The following PRDM7 variants were observed in gnomAD, a reference collection of about 807,000 sequenced individuals.
The protein encoded by PRDM7 is histone-lysine N-methyltransferase PRDM7.
PRDM7 carries 52 observed loss-of-function variants against 64.3 expected under a neutral mutation model. The observed-to-expected ratio is 0.81, with a 90% confidence interval of 0.65 to 1.02. The LOEUF (loss-of-function observed/expected upper bound fraction) is 1.02. Ranked by LOEUF, PRDM7 falls within the 50% of genes least tolerant of loss-of-function variation. The probability of loss-of-function intolerance (pLI) is 0.00; values close to 1 mark genes in which losing one functional copy is unlikely to be tolerated. For missense variants in PRDM7, 574 were observed against 597.1 expected (o/e 0.96, Z 0.40); for synonymous variants, 192 against 210.1 (o/e 0.91, Z 0.74).
rs138087382 is a variant in PRDM7, at chr16:90,073,274, A to G, written c.301+1642T>C. Among the ~76,000 whole-genome samples, 168 of 152,244 alleles carry G rather than the reference A, an allele frequency of 1.1e-3. 1 individual carries two copies. The highest frequency in any genetic ancestry group is 3.8e-3 in the Admixed American group (58 of 15,294). ...TTCTAAGACATTTAACTCAATAACT[A>G]TTATGAGATTGGTGTTAGAAAGCTT... On this transcript the variant is annotated intron_variant, in intron 4 of 10. Transcript: ENST00000449207.
chr16:90,074,131 A>G (rs1456296253), intron 4 of PRDM7, among the ~76,000 whole-genome samples: 1 of 151,746 alleles, frequency 6.6e-6, no homozygotes, highest in East Asian at 2.0e-4. Context: ...ACGGTGGCTC[A>G]TGCCTGTAAT....
At position 90,075,334 on chromosome 16, in the gene PRDM7, C is replaced by G; in HGVS notation, c.193+17G>C. The stretch of plus-strand genomic sequence containing the variant: ...TTATATCGCCCAGGCTGGTCTGTGC[C>G]CAGCACTTCCTGTTACCTACAGTAA... On this transcript the variant is annotated intron_variant, in intron 3 of 10. Coordinates refer to ENST00000449207, the MANE Select transcript of PRDM7 (RefSeq NM_001098173.2). The surrounding 1 kb of genome is among the most constrained non-coding windows in gnomAD (Gnocchi z 4.3). 1.9e-6 allele frequency: 3 copies of G among 1,614,164 alleles called. No individual in the cohort carries two copies. The highest frequency in any genetic ancestry group is 2.2e-5 in the East Asian group (1 of 44,884).
intron 10 of PRDM7, among the ~76,000 whole-genome samples, chr16:90,059,753 T>A (rs542571607): frequency 3.9e-4 from 59 of 152,376 alleles, no homozygotes; most frequent in Middle Eastern, 3.4e-3. Context: ...GGTCTCACAC[T>A]GATCCCAGGT....
chr16:90,075,356 G>T lies in PRDM7; in HGVS notation c.188C>A (p.Thr63Asn). The change falls in exon 3 of 11, where the codon ACT (threonine) becomes AAT (asparagine). Residue 63 changes from threonine to asparagine, a missense_variant. Thr to Asn is a moderately conservative substitution (Grantham distance 65). Coordinates refer to ENST00000449207, the MANE Select transcript of PRDM7 (RefSeq NM_001098173.2). The surrounding 1 kb of genome is among the most constrained non-coding windows in gnomAD (Gnocchi z 4.3). ...TGCCCAGCACTTCCTGTTACCTACA[G>T]TAATCAGTGCATTATAGTTCATTTT... is the stretch of plus-strand genomic sequence containing the variant. ...NVKMNYNALI[T>N]VGLRATRPAF... 1 of 1,614,224 alleles carries T rather than the reference G, an allele frequency of 6.2e-7. No individual in the cohort carries two copies. The highest frequency in any genetic ancestry group is 8.5e-7 in the Non-Finnish European group (1 of 1,180,044).
At position 90,058,554 on chromosome 16, in the gene PRDM7, G is replaced by C. The variant is rs1270040473; in HGVS notation, c.1234-20C>G. On this transcript the variant is annotated intron_variant, in intron 10 of 10. Transcript: ENST00000449207. ...TTGGTTCTGAAAGAGGAAGTTTTTG[G>C]TCAGGGTAGATGTTTTGTTCAGGCC... is the stretch of plus-strand genomic sequence containing the variant. The C allele has an allele frequency of 1.9e-6, 3 of 1,611,622 alleles. No homozygotes were observed. Among genetic ancestry groups the C allele is most frequent in the Non-Finnish European group, 2.5e-6 (3 of 1,177,696 alleles).
intron 4 of PRDM7, among the ~76,000 whole-genome samples, chr16:90,071,089 T>C (rs192216421): frequency 4.6e-5 from 7 of 152,326 alleles, no homozygotes; most frequent in Admixed American, 4.6e-4. Flanking sequence ...GCTTAGTCTG[T>C]TTTCTGCTGC....
At position 90,074,982 on chromosome 16, in the gene PRDM7, GC is replaced by G. The variant is rs746314563; in HGVS notation, c.234del (p.Arg78SerfsTer53). The G allele has an allele frequency of 2.9e-5, 47 of 1,614,148 alleles. No homozygotes were observed. Among genetic ancestry groups the G allele is most frequent in the Non-Finnish European group, 4.0e-5 (47 of 1,180,036 alleles). On this transcript the variant is annotated frameshift_variant, in exon 4 of 11. Coordinates refer to ENST00000449207, the MANE Select transcript of PRDM7 (RefSeq NM_001098173.2). LOFTEE classifies it high-confidence loss of function. Reference sequence around the variant, plus strand: ...TCATCCACCTGGAGTTTGATGGCCTGCCTTCGGTGACACATGAAAGCTGGTC... The same window carrying G: ...TCATCCACCTGGAGTTTGATGGCCTGCTTCGGTGACACATGAAAGCTGGTC... ...ATRPAFMCHRRQAIKLQVDDT... is the reference protein window; with the variant it reads ...ATRPAFMCHRXQAIKLQVDDT...
intron 8 of PRDM7, 114 bp downstream of exon 8, chr16:90,061,807 A>G: frequency 6.6e-7 from 1 of 1,504,806 alleles, no homozygotes; most frequent in Non-Finnish European, 9.1e-7. Flanking sequence ...TTGAGTACAC[A>G]GAGCTAACCA....
chr16:90,075,350 C>T lies in PRDM7; in HGVS notation c.193+1G>A, dbSNP rs769875290. 4.3e-6 allele frequency: 7 copies of T among 1,614,238 alleles called. No homozygotes were observed. The South Asian group carries it at 6.6e-5, about 15-fold the overall frequency. The stretch of plus-strand genomic sequence containing the variant: ...GGTCTGTGCCCAGCACTTCCTGTTA[C>T]CTACAGTAATCAGTGCATTATAGTT... On this transcript the variant is annotated splice_donor_variant, in intron 3 of 10. Coordinates refer to ENST00000449207, the MANE Select transcript of PRDM7 (RefSeq NM_001098173.2). LOFTEE classifies it high-confidence loss of function. This position sits in a 1 kb window ranked among gnomAD's most constrained non-coding sequence, Gnocchi z 4.3.
intron 4 of PRDM7, among the ~76,000 whole-genome samples, chr16:90,067,280 C>G (rs1465964522): frequency 1.3e-5 from 2 of 150,974 alleles, no homozygotes; most frequent in Non-Finnish European, 2.9e-5. Flanking sequence ...TCTGGAGTTT[C>G]TCATTAGAGA....
At chr16:90,058,995 C>T (rs927760817) in intron 10 of PRDM7, among the ~76,000 whole-genome samples, 1 of 152,166 alleles carries the variant, frequency 6.6e-6, no homozygotes, top group Non-Finnish European at 1.5e-5. Flanking sequence ...GTGAGATTGT[C>T]CTTAGTGACT....
intron 6 of PRDM7, 143 bp from the exon 7 acceptor site, chr16:90,062,645 G>C (rs2151307023): frequency 1.2e-6 from 1 of 801,472 alleles, no homozygotes; most frequent in East Asian, 2.5e-5. Context: ...CTGCTTCAGA[G>C]AGACTTAGAC....
At chr16:90,073,788 T>C (rs751674842) in intron 4 of PRDM7, among the ~76,000 whole-genome samples, 3 of 151,766 alleles carry the variant, frequency 2.0e-5, no homozygotes, top group Non-Finnish European at 4.4e-5. Flanking sequence ...GGTCACTTTT[T>C]TTTCCCCCCG....
intron 4 of PRDM7, among the ~76,000 whole-genome samples, chr16:90,073,256 A>G (rs1311031771): frequency 1.3e-5 from 2 of 152,118 alleles, no homozygotes; most frequent in African/African-American, 4.8e-5. Context: ...TTCTTCTAAG[A>G]CATTTAACTC....
Position 90,077,290 on chromosome 16 carries a change from G to A in PRDM7, c.-150C>T, listed in dbSNP as rs546382947. On this transcript the variant is annotated 5_prime_UTR_variant, in exon 1 of 11. Transcript: ENST00000449207. ...TCACAGTCTCCCGTTTTCTCCTGCC[G>A]CGGTGTTCACCCTGGCCGGGCGTCT... 1 of 152,382 alleles carries A rather than the reference G, an allele frequency of 6.6e-6. No homozygotes were observed. The highest frequency in any genetic ancestry group is 2.1e-4 in the South Asian group (1 of 4,828). 9.4% of individuals were successfully genotyped at this position (152,382 alleles called of 1,614,324 possible).
In PRDM7 at chr16:90,062,513, G is replaced by A; in HGVS notation, c.509-11C>T. The A allele has an allele frequency of 6.2e-7, 1 of 1,605,080 alleles. No homozygotes were observed. Among genetic ancestry groups the A allele is most frequent in the Non-Finnish European group, 8.5e-7 (1 of 1,171,812 alleles). On this transcript the variant is annotated splice_polypyrimidine_tract_variant and intron_variant, in intron 6 of 10. Transcript: ENST00000449207. The stretch of plus-strand genomic sequence containing the variant: ...CCTTCCTCCTGAGTTCTAGGTTGGA[G>A]AAGAGTAGATGGGTAAAATTGGGAG...
intron 6 of PRDM7, 48 bp from the exon 7 acceptor site, chr16:90,062,550 T>C: frequency 1.4e-6 from 2 of 1,467,684 alleles, no homozygotes; most frequent in Non-Finnish European, 1.9e-6. Flanking sequence ...CTGGGGTGTT[T>C]GTCCTTGTTT....
In PRDM7 at chr16:90,066,864, C is replaced by G; in HGVS notation, c.348G>C (p.Gln116His). The change falls in exon 5 of 11, where the codon CAG becomes CAC. Residue 116 changes from glutamine (Q) to histidine (H), a missense_variant. Gln to His is a conservative substitution (Grantham distance 24, BLOSUM62 0). Coordinates refer to ENST00000449207, the MANE Select transcript of PRDM7 (RefSeq NM_001098173.2). ...ACAGGATTTGGGAGATACTTACCTT[C>G]TGGTGTTTACTCTGTTCTCCTCTGA... ...MAFRGEQSKH[Q>H]KGMPKASFNN... 2 of 1,589,840 alleles carry G rather than the reference C, an allele frequency of 1.3e-6. 1 individual carries two copies. The highest frequency in any genetic ancestry group is 1.7e-6 in the Non-Finnish European group (2 of 1,160,346).
chr16:90,068,630 G>A lies in PRDM7; in HGVS notation c.302-1720C>T, dbSNP rs181902399. ...AGCCTGGATGACAGAGCGAGACTCCGTCTCAAAAAAAAAAAAAAAAAAGAA... is the reference window on the plus strand; with the variant it reads ...AGCCTGGATGACAGAGCGAGACTCCATCTCAAAAAAAAAAAAAAAAAAGAA... On this transcript the variant is annotated intron_variant, in intron 4 of 10. Transcript: ENST00000449207. Among the ~76,000 whole-genome samples, 6 of 142,212 alleles carry A rather than the reference G, an allele frequency of 4.2e-5. No individual in the cohort carries two copies. The South Asian group carries it at 6.5e-4, about 15-fold the overall frequency. The allele number at this position is 142,212 out of a possible 152,430, so 93.3% of individuals were successfully genotyped here.
Sources: gnomAD v4.1 joint callset for allele counts (sites outside exome capture counted in the v4.1 genomes callset) on GRCh38, gnomAD v4.1.1 for gene constraint, Gnocchi (gnomAD v3.1) non-coding constraint, MANE v1.5 for transcripts, NCBI Gene and HGNC (gene_info 2026-07-23, HGNC 2026-07-21) for gene names.